The following LEPR variants were observed in gnomAD, a reference collection of about 807,000 sequenced individuals.
LEPR encodes the protein leptin receptor.
LEPR carries 56 observed loss-of-function variants against 114.7 expected under a neutral mutation model. That is an observed-to-expected ratio of 0.49 (90% CI 0.39 to 0.61). LEPR has a LOEUF of 0.61. Among genes scored for constraint, LEPR ranks in the 20% least tolerant of loss-of-function variants. The pLI is 0.00. For missense variants in LEPR, 1,202 were observed against 1,352.9 expected (o/e 0.89, Z 1.75); for synonymous variants, 443 against 461.4 (o/e 0.96, Z 0.51).
At chr1:65,531,504 G>T (rs1650397806) in intron 2 of LEPR, among the ~76,000 whole-genome samples, 1 of 144,744 alleles carries the variant, frequency 6.9e-6, no homozygotes, top group Admixed American at 7.0e-5. Context: ...AAAATACTGT[G>T]TGACTTTCTA....
In LEPR at chr1:65,609,990, C is replaced by T. The variant is rs773433107; in HGVS notation, c.1796C>T (p.Pro599Leu). ...GCAAAATCAAAATCTGTCAGTCTCC[C>T]AGTTCCAGACTTGTGTGCAGTCTAT... is the stretch of plus-strand genomic sequence containing the variant. ...YDAKSKSVSL[P>L]VPDLCAVYAV... is the part of the protein sequence containing the mutation. The change falls in exon 13 of 20, where the codon CCA (proline) becomes CTA (leucine). Residue 599 changes from proline to leucine, a missense_variant. By Grantham distance (98) the Pro-to-Leu change is moderately conservative (BLOSUM62 -3). Transcript: ENST00000349533. The T allele has an allele frequency of 5.4e-5, 87 of 1,614,176 alleles. 1 individual carries two copies. Among genetic ancestry groups the T allele is most frequent in the Non-Finnish European group, 6.9e-5 (82 of 1,180,014 alleles).
chr1:65,621,127 A>T (rs1023612459), intron 17 of LEPR, among the ~76,000 whole-genome samples: 5 of 152,218 alleles, frequency 3.3e-5, no homozygotes, highest in African/African-American at 1.2e-4. Flanking sequence ...AATAAATTTG[A>T]AAAAATATTT....
At chr1:65,614,349 G>C (rs542989021) in intron 14 of LEPR, among the ~76,000 whole-genome samples, 1 of 152,202 alleles carries the variant, frequency 6.6e-6, no homozygotes, top group South Asian at 2.1e-4. Flanking sequence ...GAGGTTGAAG[G>C]ATCCCAGGAT....
intron 2 of LEPR, among the ~76,000 whole-genome samples, chr1:65,556,166 A>G (rs968970112): frequency 6.6e-6 from 1 of 152,176 alleles, no homozygotes; most frequent in African/African-American, 2.4e-5. Context: ...AGACATGGCA[A>G]GAAGGCACCA....
intron 2 of LEPR, among the ~76,000 whole-genome samples, chr1:65,453,495 G>A (rs1309510306): frequency 6.6e-6 from 1 of 151,868 alleles, no homozygotes; most frequent in Non-Finnish European, 1.5e-5. Context: ...GTTCTCGTTG[G>A]TTTCAAAGAA....
At chr1:65,464,445 T>C (rs1646984408) in intron 2 of LEPR, among the ~76,000 whole-genome samples, 1 of 152,188 alleles carries the variant, frequency 6.6e-6, no homozygotes, top group African/African-American at 2.4e-5. Context: ...TATTGAGGAT[T>C]TTTGCGTTGA....
At chr1:65,573,063 A>AC (rs1264709253) in intron 5 of LEPR, among the ~76,000 whole-genome samples, 1 of 151,976 alleles carries the variant, frequency 6.6e-6, no homozygotes, top group African/African-American at 2.4e-5. Flanking sequence ...CAGCTCTGGT[A>AC]CTCTCTCTCT....
At chr1:65,595,627 G>C (rs1028467953) in intron 6 of LEPR, among the ~76,000 whole-genome samples, 6 of 151,898 alleles carry the variant, frequency 4.0e-5, no homozygotes, top group African/African-American at 1.5e-4. Context: ...TATAGAATGT[G>C]AAAATTATCT....
At chr1:65,445,636 A>G (rs181000737) in intron 2 of LEPR, among the ~76,000 whole-genome samples, 260 of 148,928 alleles carry the variant, frequency 1.7e-3, no homozygotes, top group Non-Finnish European at 2.9e-3. Flanking sequence ...AACTGAATAG[A>G]GTTTTTTTTT....
intron 2 of LEPR, among the ~76,000 whole-genome samples, chr1:65,496,372 A>G (rs1388906488): frequency 6.6e-6 from 1 of 152,124 alleles, no homozygotes; most frequent in Non-Finnish European, 1.5e-5. Flanking sequence ...GAGGAGTTCG[A>G]GACCAGCCTG....
intron 2 of LEPR, among the ~76,000 whole-genome samples, chr1:65,431,280 A>C (rs1646479650): frequency 6.6e-6 from 1 of 152,246 alleles, no homozygotes; most frequent in African/African-American, 2.4e-5. Context: ...AAGTAAAACA[A>C]AAAATGCCCA....
chr1:65,498,180 C>G (rs543090270), intron 2 of LEPR, among the ~76,000 whole-genome samples: 1 of 152,162 alleles, frequency 6.6e-6, no homozygotes, highest in South Asian at 2.1e-4. Flanking sequence ...TTATGGCGGT[C>G]TGTGTTTAGA....
intron 2 of LEPR, among the ~76,000 whole-genome samples, chr1:65,492,157 G>A (rs1158310841): frequency 6.6e-6 from 1 of 151,936 alleles, no homozygotes; most frequent in African/African-American, 2.4e-5. Flanking sequence ...TCTTTTCTGT[G>A]CACAAGTGGG....
intron 2 of LEPR, among the ~76,000 whole-genome samples, chr1:65,542,821 C>T (rs1651337413): frequency 6.6e-6 from 1 of 151,960 alleles, no homozygotes; most frequent in Non-Finnish European, 1.5e-5. Flanking sequence ...GCATAGTATT[C>T]CATGGTGTAT....
At chr1:65,466,269 C>G (rs1570504209) in intron 2 of LEPR, among the ~76,000 whole-genome samples, 1 of 152,278 alleles carries the variant, frequency 6.6e-6, no homozygotes, top group East Asian at 1.9e-4. Flanking sequence ...GATTTTATTT[C>G]TCCTTCACTT....
chr1:65,570,356 G>A (rs1654066874), intron 3 of LEPR, 117 bp from the exon 4 acceptor site: 3 of 961,100 alleles, frequency 3.1e-6, no homozygotes, highest in South Asian at 1.7e-5. Flanking sequence ...CACTCACTGA[G>A]GACTTAGAAA....
intron 19 of LEPR, among the ~76,000 whole-genome samples, chr1:65,631,370 A>G (rs1658513532): frequency 1.3e-5 from 2 of 152,112 alleles, no homozygotes; most frequent in East Asian, 1.9e-4. Flanking sequence ...TTCTTCACGC[A>G]CTGTCTCCGC....
At chr1:65,596,996 C>G (rs1175206862) in intron 7 of LEPR, among the ~76,000 whole-genome samples, 1 of 152,074 alleles carries the variant, frequency 6.6e-6, no homozygotes. Context: ...TAGCAAAGAA[C>G]TCTGCTAGGT....
chr1:65,494,302 A>G (rs1648035563), intron 2 of LEPR: 1 of 152,132 alleles, frequency 6.6e-6, no homozygotes, highest in South Asian at 2.1e-4. Flanking sequence ...ATACTTACAC[A>G]CTACTAATAA....
Sources: allele counts gnomAD v4.1 joint callset (sites outside exome capture counted in the v4.1 genomes callset), GRCh38; gene constraint gnomAD v4.1.1; transcripts MANE v1.5; gene names NCBI Gene and HGNC (gene_info 2026-07-23, HGNC 2026-07-21).